The following PLCB1 variants were observed in gnomAD, a reference collection of about 807,000 sequenced individuals.
PLCB1 encodes 1-phosphatidylinositol 4,5-bisphosphate phosphodiesterase beta-1.
A neutral mutation model predicts 161.8 loss-of-function variants in PLCB1; 46 were observed. The observed-to-expected ratio is 0.28, with a 90% CI of 0.22 to 0.36. The LOEUF (loss-of-function observed/expected upper bound fraction) is 0.36, where lower values mean the gene tolerates loss of function less well. Among genes scored for constraint, PLCB1 ranks in the 10% least tolerant of loss-of-function variants. PLCB1 has a pLI of 1.00. For synonymous variants in PLCB1, 517 were observed against 503.7 expected, an observed-to-expected ratio of 1.03 and a Z score of -0.35; for missense variants, 1,016 against 1,472.5, an observed-to-expected ratio of 0.69 and a Z score of 5.07.
At chr20:8,735,503 A>T (rs1980534376) in intron 19 of PLCB1, among the ~76,000 whole-genome samples, 1 of 152,188 alleles carries the variant, frequency 6.6e-6, no homozygotes, top group Admixed American at 6.5e-5. Context: ...TAACTTTCCA[A>T]TTATGCCTTT....
chr20:8,882,858 T>G lies in PLCB1; in HGVS notation c.*1009T>G, dbSNP rs1468944821. 2.0e-5 allele frequency: 3 copies of G among 152,630 alleles called. No individual in the cohort carries two copies. Among genetic ancestry groups the G allele is most frequent in the African/African-American group, 4.8e-5 (2 of 41,466 alleles). 9.5% of individuals were successfully genotyped at this position (152,630 alleles called of 1,614,324 possible). On this transcript the variant is annotated 3_prime_UTR_variant, in exon 32 of 32. Coordinates refer to ENST00000338037, the MANE Select transcript of PLCB1 (RefSeq NM_015192.4). ...AAATGATAGGTATTATCTCCATGTA[T>G]ATATGTACCCACTTAGTCATGTAAG...
chr20:8,443,721 T>A (rs750617930), intron 3 of PLCB1, among the ~76,000 whole-genome samples: 8 of 152,206 alleles, frequency 5.3e-5, no homozygotes, highest in Non-Finnish European at 1.0e-4. Flanking sequence ...CCTATTCCCT[T>A]CTGCTTCTGC....
intron 4 of PLCB1, among the ~76,000 whole-genome samples, chr20:8,629,826 T>TG (rs1195701244): frequency 0.016 from 676 of 42,220 alleles, 2 homozygotes; most frequent in Non-Finnish European, 0.023. Flanking sequence ...CTTTTCTTTC[T>TG]TTCTTTCTTT....
intron 15 of PLCB1, 54 bp downstream of exon 15, chr20:8,722,475 T>A: frequency 8.0e-7 from 1 of 1,257,566 alleles, no homozygotes; most frequent in Non-Finnish European, 1.1e-6. Context: ...TGTACTCTCC[T>A]GGGTCTGTCT....
At chr20:8,614,330 TTA>T (rs150447249) in intron 3 of PLCB1, among the ~76,000 whole-genome samples, 1 of 149,922 alleles carries the variant, frequency 6.7e-6, no homozygotes, top group Non-Finnish European at 1.5e-5. Flanking sequence ...AAGTATTCAA[TTA>T]TATATATATA....
At chr20:8,879,558 A>G (rs1038733855) in intron 31 of PLCB1, among the ~76,000 whole-genome samples, 4 of 152,322 alleles carry the variant, frequency 2.6e-5, no homozygotes, top group East Asian at 1.9e-4. Flanking sequence ...TATCATCCCA[A>G]TATCAGTTCA....
At chr20:8,759,803 C>T (rs941875643) in intron 24 of PLCB1, among the ~76,000 whole-genome samples, 2 of 151,880 alleles carry the variant, frequency 1.3e-5, no homozygotes, top group African/African-American at 2.4e-5. Context: ...CTGATTTAGC[C>T]AGAAGATGGC....
intron 2 of PLCB1, among the ~76,000 whole-genome samples, chr20:8,238,789 G>A (rs1228342776): frequency 1.1e-4 from 17 of 151,870 alleles, no homozygotes; most frequent in Admixed American, 1.1e-3. Context: ...TGATAACTGA[G>A]ACAAGCCACT....
intron 25 of PLCB1, among the ~76,000 whole-genome samples, chr20:8,761,983 G>T (rs949796563): frequency 5.9e-5 from 9 of 151,598 alleles, no homozygotes; most frequent in Admixed American, 2.6e-4. Flanking sequence ...CCAAGGGGGG[G>T]GCGGATCACC....
At chr20:8,478,874 G>T (rs1265919677) in intron 3 of PLCB1, among the ~76,000 whole-genome samples, 1 of 151,870 alleles carries the variant, frequency 6.6e-6, no homozygotes, top group Non-Finnish European at 1.5e-5. Flanking sequence ...GATTAAAAAT[G>T]CTCAAAATTA....
At chr20:8,739,444 A>C in intron 21 of PLCB1, 84 bp downstream of exon 21, 1 of 850,494 alleles carries the variant, frequency 1.2e-6, no homozygotes, top group Non-Finnish European at 2.0e-6. Flanking sequence ...AAATGACTTA[A>C]GAAACTATTT....
intron 3 of PLCB1, among the ~76,000 whole-genome samples, chr20:8,574,199 T>G (rs2123058761): frequency 6.6e-6 from 1 of 152,220 alleles, no homozygotes; most frequent in Non-Finnish European, 1.5e-5. Flanking sequence ...AGTCAGGAGT[T>G]CAAGACCAAC....
At chr20:8,386,175 C>A (rs535444450) in intron 3 of PLCB1, among the ~76,000 whole-genome samples, 3 of 152,292 alleles carry the variant, frequency 2.0e-5, no homozygotes, top group African/African-American at 7.2e-5. Context: ...CTTGAATGTT[C>A]TTAATGGCAT....
chr20:8,721,181 T>C (rs890115822), intron 14 of PLCB1, among the ~76,000 whole-genome samples: 1 of 152,348 alleles, frequency 6.6e-6, no homozygotes, highest in South Asian at 2.1e-4. Context: ...TTTATAAGCT[T>C]CTCAGAGGAC....
chr20:8,253,341 C>G (rs1981252443), intron 2 of PLCB1, among the ~76,000 whole-genome samples: 1 of 151,992 alleles, frequency 6.6e-6, no homozygotes, highest in Non-Finnish European at 1.5e-5. Context: ...ATTTCATTGG[C>G]ACCCTTGTCA....
chr20:8,681,747 G>T (rs922569081), intron 9 of PLCB1, among the ~76,000 whole-genome samples: 10 of 152,166 alleles, frequency 6.6e-5, no homozygotes, highest in African/African-American at 2.2e-4. Flanking sequence ...GTGTGAAATT[G>T]CCTTTTGCAT....
At chr20:8,774,813 G>A in intron 27 of PLCB1, 94 bp downstream of exon 27, 1 of 966,132 alleles carries the variant, frequency 1.0e-6, no homozygotes. Flanking sequence ...AGACAAGGGT[G>A]GGTGTGACTG....
intron 3 of PLCB1, among the ~76,000 whole-genome samples, chr20:8,529,581 C>T (rs894167177): frequency 6.6e-6 from 1 of 152,012 alleles, no homozygotes; most frequent in Non-Finnish European, 1.5e-5. Context: ...GGAATGAGAA[C>T]TGGGTAGTTG....
In PLCB1 at chr20:8,432,125, C is replaced by T. The variant is rs1980070445; in HGVS notation, c.246+60675C>T. On this transcript the variant is annotated intron_variant, in intron 3 of 31. Coordinates refer to ENST00000338037, the MANE Select transcript of PLCB1 (RefSeq NM_015192.4). ...GACAGGGGTCCTTATCACATGGCCA[C>T]GAAAAATCTGGCTTGCAGACAATCT... is the stretch of plus-strand genomic sequence containing the variant. 5.3e-5 allele frequency among the ~76,000 whole-genome samples: 8 copies of T among 152,054 alleles called. 1 individual carries two copies. The South Asian group carries it at 1.7e-3, about 32-fold the overall frequency.
Sources: gnomAD v4.1 joint callset for allele counts (sites outside exome capture counted in the v4.1 genomes callset) on GRCh38, gnomAD v4.1.1 for gene constraint, MANE v1.5 for transcripts, NCBI Gene and HGNC (gene_info 2026-07-23, HGNC 2026-07-21) for gene names.